The following RIMS3 variants were observed in gnomAD, a reference collection of about 807,000 sequenced individuals.
The protein encoded by RIMS3 is regulating synaptic membrane exocytosis 3, also known as regulating synaptic membrane exocytosis protein 3.
A neutral mutation model predicts 29.2 loss-of-function variants in RIMS3; 15 were observed. That is an observed-to-expected ratio of 0.51 (90% CI 0.34 to 0.79). RIMS3 has a LOEUF of 0.79. Among genes scored for constraint, RIMS3 ranks in the 30% least tolerant of loss-of-function variants. RIMS3 has a pLI of 0.01. For synonymous variants in RIMS3, 161 were observed against 170.1 expected (o/e 0.95, Z 0.41); for missense variants, 342 against 421.4 (o/e 0.81, Z 1.65).
At chr1:40,663,758 C>T (rs1570209233) in intron 1 of RIMS3, among the ~76,000 whole-genome samples, 1 of 152,164 alleles carries the variant, frequency 6.6e-6, no homozygotes, top group African/African-American at 2.4e-5. Flanking sequence ...AGACCACATG[C>T]CCTGGGAGAA....
chr1:40,626,345 C>A lies in RIMS3; in HGVS notation c.*172G>T. The A allele has an allele frequency of 4.5e-6, 3 of 670,456 alleles. No homozygotes were observed. The highest frequency in any genetic ancestry group is 8.1e-6 in the Non-Finnish European group (3 of 372,442). The allele number at this position is 670,456 out of a possible 1,614,324, so 41.5% of individuals were successfully genotyped here. A position where few individuals can be genotyped will look rare whatever the true frequency, so the allele number is the denominator to read the frequency against. On this transcript the variant is annotated 3_prime_UTR_variant, in exon 8 of 8. Coordinates refer to ENST00000372684, the MANE Select transcript of RIMS3 (RefSeq NM_014747.3). ...TCACGTACACACACACACACACGCA[C>A]GCACACACGCACACACTACAGTCTC...
Position 40,636,193 on chromosome 1 carries a change from G to A in RIMS3, c.218-136C>T, listed in dbSNP as rs938818177. The stretch of plus-strand genomic sequence containing the variant: ...AGGATGAGCAGGGCTCTGACTGGAG[G>A]CAGGGGCATGGCTGAGCTGACCTCA... On this transcript the variant is annotated intron_variant, in intron 3 of 7. Transcript: ENST00000372684. This position sits in a 1 kb window ranked among gnomAD's most constrained non-coding sequence, Gnocchi z 4.2. The A allele has an allele frequency of 2.7e-6, 3 of 1,128,708 alleles. No homozygotes were observed. The highest frequency in any genetic ancestry group is 2.1e-5 in the Admixed American group (1 of 47,078). 69.9% of individuals were successfully genotyped at this position (1,128,708 alleles called of 1,614,324 possible).
intron 7 of RIMS3, among the ~76,000 whole-genome samples, chr1:40,627,673 C>T (rs1646463848): frequency 6.6e-6 from 1 of 152,164 alleles, no homozygotes; most frequent in Non-Finnish European, 1.5e-5. Context: ...ATAATCATAG[C>T]TCACTGCAGC....
the RIMS3 span, among the ~76,000 whole-genome samples, chr1:40,688,606 C>T: frequency 3.9e-5 from 6 of 152,188 alleles, no homozygotes; most frequent in Admixed American, 2.6e-4. Context: ...CTGTCCCTAT[C>T]GCCAAGACAC....
chr1:40,641,196 C>T (rs1336298674), intron 3 of RIMS3, among the ~76,000 whole-genome samples: 2 of 152,172 alleles, frequency 1.3e-5, no homozygotes, highest in African/African-American at 4.8e-5. Context: ...TGGTCTCAAA[C>T]TCCTGGGCTC....
the RIMS3 span, among the ~76,000 whole-genome samples, chr1:40,680,244 C>G: frequency 6.6e-6 from 1 of 151,732 alleles, no homozygotes; most frequent in Non-Finnish European, 1.5e-5. Context: ...ATGGAAAACT[C>G]TGGAAGAGAA....
In RIMS3 at chr1:40,622,304, A is replaced by G. The variant is rs1029125079; in HGVS notation, c.*4213T>C. ...GCCAGACCAGGCCAGTCCAGCCCCC[A>G]TCAGGGCTCACCTGATTGTGTGGGC... On this transcript the variant is annotated 3_prime_UTR_variant, in exon 8 of 8. Coordinates refer to ENST00000372684, the MANE Select transcript of RIMS3 (RefSeq NM_014747.3). 9 of 152,766 alleles carry G rather than the reference A, an allele frequency of 5.9e-5. 1 individual carries two copies. Among genetic ancestry groups the G allele is most frequent in the African/African-American group, 2.2e-4 (9 of 41,558 alleles). The allele number at this position is 152,766 out of a possible 1,614,324, so 9.5% of individuals were successfully genotyped here.
chr1:40,664,083 C>T (rs935636060), intron 1 of RIMS3, among the ~76,000 whole-genome samples: 6 of 152,132 alleles, frequency 3.9e-5, no homozygotes, highest in Admixed American at 2.0e-4. Context: ...TGCAAAGGGT[C>T]GGATAAGTGT....
chr1:40,644,654 C>T (rs1646582627), intron 2 of RIMS3, among the ~76,000 whole-genome samples: 2 of 152,248 alleles, frequency 1.3e-5, no homozygotes, highest in South Asian at 4.1e-4. Context: ...GGATCTCCAG[C>T]TGTTGGCCTC....
At chr1:40,637,339 G>A (rs1457576863) in intron 3 of RIMS3, among the ~76,000 whole-genome samples, 1 of 152,164 alleles carries the variant, frequency 6.6e-6, no homozygotes, top group Admixed American at 6.5e-5. Context: ...AGAGGTCTAG[G>A]ATCACTAGTG....
In RIMS3 at chr1:40,624,447, T is replaced by G. The variant is rs890284037; in HGVS notation, c.*2070A>C. ...AGCCCTTTGTCCATTTCCAAGAACT[T>G]GACGAACGCAATGGGCCTGGGGAGA... On this transcript the variant is annotated 3_prime_UTR_variant, in exon 8 of 8. Transcript: ENST00000372684. 1 of 152,176 alleles carries G rather than the reference T, an allele frequency of 6.6e-6. No individual in the cohort carries two copies. Among genetic ancestry groups the G allele is most frequent in the Admixed American group, 6.5e-5 (1 of 15,276 alleles). The allele number at this position is 152,176 out of a possible 1,614,324, so 9.4% of individuals were successfully genotyped here.
chr1:40,691,741 T>TTC, the RIMS3 span: 1 of 455,546 alleles, frequency 2.2e-6, no homozygotes, highest in Admixed American at 2.4e-5. Flanking sequence ...GTGCCCCCGC[T>TTC]TCGCGCGCGC....
the RIMS3 span, among the ~76,000 whole-genome samples, chr1:40,688,095 G>A: frequency 2.6e-5 from 4 of 152,264 alleles, no homozygotes; most frequent in African/African-American, 4.8e-5. Context: ...CTCCTGAGTA[G>A]CTGGGATTAC....
the RIMS3 span, among the ~76,000 whole-genome samples, chr1:40,681,103 C>T: frequency 6.6e-6 from 1 of 152,192 alleles, no homozygotes; most frequent in African/African-American, 2.4e-5. Flanking sequence ...TGGAATATTT[C>T]ATTTACTCAC....
chr1:40,626,226 C>CT lies in RIMS3; in HGVS notation c.*290dup. ...GTCCACACAACACTCCTTTGGGTTT[C>CT]TTTTCAACAAGACACAAAGAGACGT... On this transcript the variant is annotated 3_prime_UTR_variant, in exon 8 of 8. Coordinates refer to ENST00000372684, the MANE Select transcript of RIMS3 (RefSeq NM_014747.3). 1 of 471,522 alleles carries CT rather than the reference C, an allele frequency of 2.1e-6. No homozygotes were observed. The highest frequency in any genetic ancestry group is 3.9e-6 in the Non-Finnish European group (1 of 254,778). The allele number at this position is 471,522 out of a possible 1,614,324, so 29.2% of individuals were successfully genotyped here.
At chr1:40,646,137 A>G (rs1160918578) in intron 2 of RIMS3, among the ~76,000 whole-genome samples, 1 of 152,210 alleles carries the variant, frequency 6.6e-6, no homozygotes, top group Non-Finnish European at 1.5e-5. Context: ...GGTCAGGTTA[A>G]GTAATCTCTA....
chr1:40,649,220 T>C (rs1035007162), intron 1 of RIMS3, among the ~76,000 whole-genome samples: 3 of 151,770 alleles, frequency 2.0e-5, no homozygotes, highest in South Asian at 2.1e-4. Context: ...CACACACACA[T>C]GCAGGAAGAG....
At chr1:40,651,961 T>G (rs1646634324) in intron 1 of RIMS3, among the ~76,000 whole-genome samples, 2 of 152,242 alleles carry the variant, frequency 1.3e-5, no homozygotes, top group South Asian at 4.1e-4. Flanking sequence ...TAACTGCTTT[T>G]TTATTGATTA....
At chr1:40,651,308 T>A (rs1646630624) in intron 1 of RIMS3, among the ~76,000 whole-genome samples, 1 of 152,156 alleles carries the variant, frequency 6.6e-6, no homozygotes, top group South Asian at 2.1e-4. Flanking sequence ...GAGCGCCATG[T>A]GCCGACGGAG....
Sources: gnomAD v4.1 joint callset for allele counts (sites outside exome capture counted in the v4.1 genomes callset) on GRCh38, gnomAD v4.1.1 for gene constraint, Gnocchi (gnomAD v3.1) non-coding constraint, MANE v1.5 for transcripts, NCBI Gene and HGNC (gene_info 2026-07-23, HGNC 2026-07-21) for gene names.